The following MIB2 variants were observed in gnomAD, a reference collection of about 807,000 sequenced individuals.
MIB2 encodes MIB E3 ubiquitin protein ligase 2.
In MIB2, 78 loss-of-function variants were observed where a neutral mutation model predicts 96.6. That is an observed-to-expected ratio of 0.81 (90% CI 0.67 to 0.97). MIB2 has a LOEUF of 0.97. Among genes scored for constraint, MIB2 ranks in the 50% least tolerant of loss-of-function variants. The probability of loss-of-function intolerance (pLI) is 0.00; values close to 1 mark genes in which losing one functional copy is unlikely to be tolerated. For synonymous variants in MIB2, 820 were observed against 629.5 expected, an observed-to-expected ratio of 1.30 and a Z score of -4.53; for missense variants, 1,543 against 1,424.0, an observed-to-expected ratio of 1.08 and a Z score of -1.35.
rs1341595338 is a variant in MIB2 at position 1,630,374 on chromosome 1, G to A, written c.2712G>A (p.Gln904=). ...AGGAGCTGCAGAGCCGCTACCGGCA[G>A]ATGGAGGAACGCATCACCTGCCCCA... ...LVEELQSRYR[Q]MEERITCPIC... is the part of the protein sequence containing the mutation. Residue 904 remains glutamine, a synonymous_variant, in exon 20 of 20, where the codon CAG becomes CAA. Transcript: ENST00000355826. 5.8e-6 allele frequency: 9 copies of A among 1,549,522 alleles called. No individual in the cohort carries two copies. Among genetic ancestry groups the A allele is most frequent in the East Asian group, 2.5e-5 (1 of 40,712 alleles).
Position 1,628,733 on chromosome 1 carries a change from G to C in MIB2, c.2202+11G>C, listed in dbSNP as rs1645061813. ...CAGCTGCTGTCCAGGGTGAGGAAGT[G>C]TGGCGTGGGGTGCTGGAGAGGCTGC... On this transcript the variant is annotated intron_variant, in intron 16 of 19. Transcript: ENST00000355826. The C allele has an allele frequency of 2.6e-6, 4 of 1,513,670 alleles. No individual in the cohort carries two copies. Among genetic ancestry groups the C allele is most frequent in the Non-Finnish European group, 2.7e-6 (3 of 1,127,284 alleles). 93.8% of individuals were successfully genotyped at this position (1,513,670 alleles called of 1,614,324 possible).
In MIB2 at chr1:1,628,030, G is replaced by A. The variant is rs764788125; in HGVS notation, c.1692G>A (p.Ser564=). 19 of 1,612,654 alleles carry A rather than the reference G, an allele frequency of 1.2e-5. No individual in the cohort carries two copies. The highest frequency in any genetic ancestry group is 9.3e-5 in the African/African-American group (7 of 74,908). Residue 564 remains serine (S), a synonymous_variant, in exon 14 of 20, where the codon TCG becomes TCA. Transcript: ENST00000355826. ...GCDVNLPDAH[S]DTPLHSAISA... ...CTCCGCCCCAGCAGGACGCCCACTC[G>A]GACACGCCCCTGCACTCCGCCATCT...
Position 1,628,305 on chromosome 1 carries a change from A to C in MIB2, c.1874A>C (p.Gln625Pro). 6.2e-7 allele frequency: 1 copy of C among 1,612,938 alleles called. No homozygotes were observed. Among genetic ancestry groups the C allele is most frequent in the Non-Finnish European group, 8.5e-7 (1 of 1,179,958 alleles). Reference protein sequence around the residue: ...AVRKILARARQLVDAKKEDGF... With the variant: ...AVRKILARARPLVDAKKEDGF... ...AGAAAGATTCTGGCTCGGGCGCGGC[A>C]GCTGGTGGACGCCAAGAAGGAGGAC... Residue 625 changes from glutamine to proline, a missense_variant, in exon 15 of 20, where the codon CAG becomes CCG. Gln to Pro is a moderately conservative substitution (Grantham distance 76). Coordinates refer to ENST00000355826, the MANE Select transcript of MIB2 (RefSeq NM_001170687.4).
Position 1,629,714 on chromosome 1 carries a change from G to A in MIB2, c.2629+10G>A. 1 of 1,581,490 alleles carries A rather than the reference G, an allele frequency of 6.3e-7. No individual in the cohort carries two copies. Among genetic ancestry groups the A allele is most frequent in the Non-Finnish European group, 8.6e-7 (1 of 1,165,056 alleles). On this transcript the variant is annotated intron_variant, in intron 19 of 19. Coordinates refer to ENST00000355826, the MANE Select transcript of MIB2 (RefSeq NM_001170687.4). Reference sequence around the variant, plus strand: ...AAGAAACTGCGCCCAGGTGGGTGAGGCTCTGCGCCCCCAACACGCCTCCTG... The same window carrying A: ...AAGAAACTGCGCCCAGGTGGGTGAGACTCTGCGCCCCCAACACGCCTCCTG...
At chr1:1,615,335 C>T (rs1000561667), upstream of MIB2, 40 of 1,393,770 alleles carry the variant, frequency 2.9e-5, no homozygotes, top group African/African-American at 3.8e-4. Flanking sequence ...ACCGCCACTG[C>T]GCAGGCGCCC....
chr1:1,619,161 C>G lies in MIB2; in HGVS notation c.-23+2547C>G, dbSNP rs1202853821. Reference sequence around the variant, plus strand: ...GGCCGAGGCGGGCGGATCACGAGGTCAGGAGATCGAGACCATCCTGGCTAA... The same window carrying G: ...GGCCGAGGCGGGCGGATCACGAGGTGAGGAGATCGAGACCATCCTGGCTAA... On this transcript the variant is annotated intron_variant, in intron 2 of 19. Transcript: ENST00000355826. 2.0e-5 allele frequency: 3 copies of G among 152,434 alleles called. No homozygotes were observed. In the East Asian group the frequency reaches 5.8e-4, roughly 29 times the overall value. 9.4% of individuals were successfully genotyped at this position (152,434 alleles called of 1,614,324 possible).
upstream of MIB2, chr1:1,615,479 G>T (rs936318845): frequency 6.6e-7 from 1 of 1,522,234 alleles, no homozygotes; most frequent in African/African-American, 1.4e-5. Context: ...GCGCTCCGGC[G>T]GGGGCGGGCC....
chr1:1,625,797 G>C lies in MIB2; in HGVS notation c.972+144G>C. ...CCCTGAAGGAAGGGGAGGGACTGGT[G>C]GGTGGAGGTGGGTGGGGTCAAGGAG... On this transcript the variant is annotated intron_variant, in intron 8 of 19. Transcript: ENST00000355826. The surrounding 1 kb of genome is among the most constrained non-coding windows in gnomAD (Gnocchi z 5.0). The C allele has an allele frequency of 1.5e-6, 1 of 657,948 alleles. No homozygotes were observed. The highest frequency in any genetic ancestry group is 1.8e-5 in the African/African-American group (1 of 55,306). The allele number at this position is 657,948 out of a possible 1,614,324, so 40.8% of individuals were successfully genotyped here.
chr1:1,624,953 GCTCAGC>G, intron 5 of MIB2, 32 bp from the exon 6 acceptor site: 1 of 1,606,928 alleles, frequency 6.2e-7, no homozygotes, highest in Non-Finnish European at 8.5e-7. Context: ...CTGGCTCATG[GCTCAGC>G]CTTAGCCTGC....
chr1:1,616,733 G>C (rs1382775998), intron 2 of MIB2, 119 bp downstream of exon 2: 1 of 754,722 alleles, frequency 1.3e-6, no homozygotes. Flanking sequence ...GAGTGGAGGG[G>C]AGTGGTGAGT....
At chr1:1,616,187 G>A (rs1643635545) in intron 1 of MIB2, 2 of 841,832 alleles carry the variant, frequency 2.4e-6, no homozygotes, top group Non-Finnish European at 2.9e-6. Flanking sequence ...GGGGCGGGGC[G>A]CGCTCCGGGT....
chr1:1,630,539 G>A lies in MIB2; in HGVS notation c.*9G>A. 1.3e-6 allele frequency: 2 copies of A among 1,551,402 alleles called. No individual in the cohort carries two copies. Among genetic ancestry groups the A allele is most frequent in the South Asian group, 1.2e-5 (1 of 84,710 alleles). On this transcript the variant is annotated 3_prime_UTR_variant, in exon 20 of 20. Transcript: ENST00000355826. ...TCCAGATCTTCGTGTGAGCCGCGCC[G>A]TCCGCCGCGCCCGAGCTGCCTTCGC...
intron 2 of MIB2, 37 bp from the exon 3 acceptor site, chr1:1,623,394 G>A (rs772411374): frequency 7.5e-6 from 12 of 1,598,060 alleles, no homozygotes; most frequent in South Asian, 6.7e-5. Context: ...CACAGGTCCC[G>A]AGCAGCCCGG....
At chr1:1,615,720 G>C (rs1227143320) in intron 1 of MIB2, 87 bp downstream of exon 1, 3 of 1,495,030 alleles carry the variant, frequency 2.0e-6, no homozygotes, top group Non-Finnish European at 1.8e-6. Context: ...GCGCCGTCCG[G>C]TTCCCGCTCC....
intron 1 of MIB2, 197 bp from the exon 2 acceptor site, chr1:1,616,311 G>A: frequency 2.3e-6 from 1 of 436,762 alleles, no homozygotes. Context: ...CCGGGCGCAC[G>A]CAATTACGGG....
At chr1:1,616,188 CGCTCCGGGTGGGGGTGCCCGCCGT>C in intron 1 of MIB2, 3 of 834,798 alleles carry the variant, frequency 3.6e-6, no homozygotes, top group Non-Finnish European at 4.3e-6. Flanking sequence ...GGGCGGGGCG[CGCTCCGGGTGGGGGTGCCCGCCGT>C]GCCCGCCCCT....
rs1644693271 is a variant in MIB2, at chr1:1,625,694, G to GTAA, written c.972+42_972+44dup. 1 of 1,505,944 alleles carries GTAA rather than the reference G, an allele frequency of 6.6e-7. No homozygotes were observed. The highest frequency in any genetic ancestry group is 1.4e-5 in the African/African-American group (1 of 72,068). 93.3% of individuals were successfully genotyped at this position (1,505,944 alleles called of 1,614,324 possible). ...GGCTGCGCCTCATCTGCTTGCTTCT[G>GTAA]TAACCCCTTCCACGTACCCCCTTGG... On this transcript the variant is annotated intron_variant, in intron 8 of 19. Transcript: ENST00000355826. This position sits in a 1 kb window ranked among gnomAD's most constrained non-coding sequence, Gnocchi z 5.0.
chr1:1,615,536 C>T lies in MIB2; in HGVS notation c.-227C>T. 13 of 1,534,348 alleles carry T rather than the reference C, an allele frequency of 8.5e-6. No individual in the cohort carries two copies. The highest frequency in any genetic ancestry group is 1.0e-5 in the Non-Finnish European group (12 of 1,145,682). ...CCCACAGTTTCCAGCCGCCGCTCTC[C>T]TCAGTGCCCGGTGGCCCAGGAGGGC... On this transcript the variant is annotated 5_prime_UTR_variant, in exon 1 of 20. Transcript: ENST00000355826.
chr1:1,616,445 C>T (rs1643690250), intron 1 of MIB2, 63 bp from the exon 2 acceptor site: 1 of 1,237,160 alleles, frequency 8.1e-7, no homozygotes, highest in Non-Finnish European at 1.1e-6. Flanking sequence ...CGGGGGCAGA[C>T]AGGCGACCGA....
Sources: allele counts gnomAD v4.1 joint callset, GRCh38; gene constraint gnomAD v4.1.1; non-coding constraint Gnocchi (gnomAD v3.1); transcripts MANE v1.5; gene names NCBI Gene and HGNC (gene_info 2026-07-23, HGNC 2026-07-21).